Variants in ACTR3C observed in about 807,000 individuals in gnomAD.
The protein encoded by ACTR3C is actin related protein 3C.
Under a neutral mutation model 26.3 loss-of-function variants are expected in ACTR3C, and 18 were observed. The observed-to-expected ratio is 0.68, with a 90% CI of 0.47 to 1.01. The LOEUF is 1.01. Among genes scored for constraint, ACTR3C ranks in the 50% least tolerant of loss-of-function variants. The pLI is 0.00. For synonymous variants in ACTR3C, 55 were observed against 94.5 expected, an observed-to-expected ratio of 0.58 and a Z score of 2.42; for missense variants, 184 against 250.7, an observed-to-expected ratio of 0.73 and a Z score of 1.80.
chr7:150,128,829 A>G, the ACTR3C span, among the ~76,000 whole-genome samples: 1 of 152,074 alleles, frequency 6.6e-6, no homozygotes. Flanking sequence ...CAGGCAGTAC[A>G]AGAGAGTCAA....
the ACTR3C span, among the ~76,000 whole-genome samples, chr7:149,994,135 A>T: frequency 6.6e-6 from 1 of 152,168 alleles, no homozygotes; most frequent in African/African-American, 2.4e-5. Context: ...ATCAATATGA[A>T]AGTGCACAGA....
the ACTR3C span, among the ~76,000 whole-genome samples, chr7:150,126,799 T>C: frequency 6.6e-6 from 1 of 152,166 alleles, no homozygotes; most frequent in Non-Finnish European, 1.5e-5. Context: ...CTGAGCACCT[T>C]GTCTGTGGTA....
At chr7:150,182,050 T>G in the ACTR3C span, among the ~76,000 whole-genome samples, 31,873 of 150,164 alleles carry the variant, frequency 0.21, 4,376 homozygotes, top group East Asian at 0.41. Flanking sequence ...AGTGAGAGAC[T>G]GGGGTTTGTG....
At chr7:149,919,794 C>T in the ACTR3C span, among the ~76,000 whole-genome samples, 1 of 151,974 alleles carries the variant, frequency 6.6e-6, no homozygotes, top group South Asian at 2.1e-4. Flanking sequence ...TTTACTTTTA[C>T]ATTTCAAAGG....
At chr7:150,292,190 T>C (rs1836323292) in intron 3 of ACTR3C, among the ~76,000 whole-genome samples, 1 of 151,684 alleles carries the variant, frequency 6.6e-6, no homozygotes, top group Admixed American at 6.6e-5. Context: ...CCCCCCCATA[T>C]ACATATGCAG....
chr7:150,121,335 TGC>T, the ACTR3C span, among the ~76,000 whole-genome samples: 3 of 152,142 alleles, frequency 2.0e-5, no homozygotes, highest in African/African-American at 7.2e-5. Context: ...AAAACCCCAT[TGC>T]CTCAGCCCAA....
intron 6 of ACTR3C, among the ~76,000 whole-genome samples, chr7:150,280,184 C>T (rs1381119302): frequency 6.6e-6 from 1 of 152,142 alleles, no homozygotes; most frequent in Non-Finnish European, 1.5e-5. Flanking sequence ...CCAGCCCAAG[C>T]CCAATTACAT....
chr7:150,249,175 G>A lies in ACTR3C; in HGVS notation c.565-121C>T, dbSNP rs1832659803. The stretch of plus-strand genomic sequence containing the variant: ...GAAAAATGTTTAAAGCAGCCAGGGA[G>A]AAATGAAATGTTGCTTAAAGGAGAA... On this transcript the variant is annotated intron_variant, in intron 6 of 7. Transcript: ENST00000683684. The A allele has an allele frequency of 9.3e-6, 4 of 432,260 alleles. No homozygotes were observed. In the Admixed American group the frequency reaches 1.6e-4, roughly 17 times the overall value. 26.8% of individuals were successfully genotyped at this position (432,260 alleles called of 1,614,324 possible). A position where few individuals can be genotyped will look rare whatever the true frequency, so the allele number is the denominator to read the frequency against.
At chr7:150,191,630 A>T in the ACTR3C span, among the ~76,000 whole-genome samples, 1 of 152,324 alleles carries the variant, frequency 6.6e-6, no homozygotes, top group African/African-American at 2.4e-5. Flanking sequence ...GGGTTTTGCC[A>T]TGTAGAAAGT....
At chr7:150,184,463 A>G in the ACTR3C span, among the ~76,000 whole-genome samples, 1 of 150,570 alleles carries the variant, frequency 6.6e-6, no homozygotes, top group African/African-American at 2.5e-5. Flanking sequence ...ACCATAGAGT[A>G]AGACTAGTAA....
the ACTR3C span, among the ~76,000 whole-genome samples, chr7:150,037,458 T>G: frequency 2.6e-5 from 1 of 39,026 alleles, no homozygotes; most frequent in Non-Finnish European, 5.6e-5. Context: ...TCGCGGGGGG[T>G]GCCTCCCCCC....
chr7:149,964,438 A>G, the ACTR3C span, among the ~76,000 whole-genome samples: 238 of 151,376 alleles, frequency 1.6e-3, no homozygotes, highest in African/African-American at 5.5e-3. Context: ...GAAGAAGAGA[A>G]GGATAAAAAA....
At chr7:150,092,548 A>G in the ACTR3C span, among the ~76,000 whole-genome samples, 1 of 149,566 alleles carries the variant, frequency 6.7e-6, no homozygotes, top group African/African-American at 2.5e-5. Context: ...TGTTGCAACA[A>G]TACAATGTCA....
the ACTR3C span, among the ~76,000 whole-genome samples, chr7:149,943,991 C>T: frequency 1.4e-5 from 2 of 141,392 alleles, no homozygotes; most frequent in East Asian, 2.0e-4. Flanking sequence ...TAATTATGTA[C>T]GTAACAGGGA....
chr7:150,039,711 T>A, the ACTR3C span, among the ~76,000 whole-genome samples: 21 of 107,288 alleles, frequency 2.0e-4, no homozygotes, highest in East Asian at 1.4e-3. Context: ...GGGAAGAGGG[T>A]CTGGCTCTCA....
At chr7:150,041,702 C>CTG in the ACTR3C span, among the ~76,000 whole-genome samples, 3 of 132,746 alleles carry the variant, frequency 2.3e-5, no homozygotes, top group East Asian at 2.4e-4. Flanking sequence ...TCAGTCCCCA[C>CTG]CCTCGCGGGG....
At chr7:149,966,099 G>A in the ACTR3C span, among the ~76,000 whole-genome samples, 2 of 152,346 alleles carry the variant, frequency 1.3e-5, no homozygotes, top group South Asian at 2.1e-4. Flanking sequence ...GATCTGCTCC[G>A]TAGTTGTTTT....
the ACTR3C span, among the ~76,000 whole-genome samples, chr7:149,991,018 A>C: frequency 6.6e-6 from 1 of 152,154 alleles, no homozygotes; most frequent in Non-Finnish European, 1.5e-5. Flanking sequence ...GACATACCCA[A>C]GACTGGGTAA....
chr7:150,203,846 C>T, the ACTR3C span, among the ~76,000 whole-genome samples: 31 of 152,318 alleles, frequency 2.0e-4, no homozygotes, highest in East Asian at 5.6e-3. Flanking sequence ...GGATTGCAGG[C>T]ATGAGCCACC....
Sources: gnomAD v4.1 joint callset for allele counts (sites outside exome capture counted in the v4.1 genomes callset) on GRCh38, gnomAD v4.1.1 for gene constraint, MANE v1.5 for transcripts, NCBI Gene and HGNC (gene_info 2026-07-23, HGNC 2026-07-21) for gene names.